ZBTB7C: variants seen among roughly 807,000 people sequenced by gnomAD.
ZBTB7C encodes zinc finger and BTB domain-containing protein 7C.
In ZBTB7C, 8 loss-of-function variants were observed where a neutral mutation model predicts 25.7. The ratio of observed to expected loss-of-function variants is 0.31; its 90% CI spans 0.18 to 0.56. The LOEUF is 0.56. Ranked by LOEUF, ZBTB7C falls within the 20% of genes least tolerant of loss-of-function variation. The probability of loss-of-function intolerance (pLI) is 0.91; values close to 1 mark genes in which losing one functional copy is unlikely to be tolerated. For synonymous variants in ZBTB7C, 394 were observed against 369.0 expected (o/e 1.07, Z -0.78); for missense variants, 824 against 855.2 (o/e 0.96, Z 0.46).
At chr18:48,036,660 C>G (rs2035984558) in intron 4 of ZBTB7C, among the ~76,000 whole-genome samples, 1 of 152,086 alleles carries the variant, frequency 6.6e-6, no homozygotes, top group African/African-American at 2.4e-5. Flanking sequence ...GCTGCGGGGA[C>G]AAGAGTGACA....
rs1391233443 is a variant in ZBTB7C at position 48,233,359 on chromosome 18, A to C, written c.-78-47364T>G. ...AACTGTAAGAAATAAATTTTTCTTT[A>C]TAATGTATCCAGTCTCTGGTATTCT... On this transcript the variant is annotated intron_variant, in intron 2 of 4. Coordinates refer to ENST00000590800, the MANE Select transcript of ZBTB7C (RefSeq NM_001318841.2). 2.3e-4 allele frequency among the ~76,000 whole-genome samples: 35 copies of C among 152,210 alleles called. 1 individual carries two copies.
Position 48,027,243 on chromosome 18 carries a change from AG to A in ZBTB7C, c.*2016del, listed in dbSNP as rs1393942092. On this transcript the variant is annotated 3_prime_UTR_variant, in exon 5 of 5. Transcript: ENST00000590800. ...AATGTACAATTCCAAACTGCAGCCAAGAAAAAACAGAAAGAACTAACCAGTC... is the reference window on the plus strand; with the variant it reads ...AATGTACAATTCCAAACTGCAGCCAAAAAAAACAGAAAGAACTAACCAGTC... 6.6e-6 allele frequency: 1 copy of A among 152,212 alleles called. No homozygotes were observed. The highest frequency in any genetic ancestry group is 1.5e-5 in the Non-Finnish European group (1 of 68,036). The allele number at this position is 152,212 out of a possible 1,614,324, so 9.4% of individuals were successfully genotyped here.
At chr18:48,309,947 T>C (rs1004643365) in intron 2 of ZBTB7C, among the ~76,000 whole-genome samples, 6 of 152,150 alleles carry the variant, frequency 3.9e-5, no homozygotes, top group Non-Finnish European at 8.8e-5. Flanking sequence ...AATTGGTTCC[T>C]GGCCAGGTGC....
In ZBTB7C at chr18:48,131,159, G is replaced by A. The variant is rs148481428; in HGVS notation, c.-17+54775C>T. On this transcript the variant is annotated intron_variant, in intron 3 of 4. Transcript: ENST00000590800. ...CCTTAAGTGATCCGCCCGCCTCCGC[G>A]TCCCAAAGTGCTGGGATTACAGGCG... 8.1e-4 allele frequency among the ~76,000 whole-genome samples: 124 copies of A among 152,272 alleles called. No individual in the cohort carries two copies. The East Asian group carries it at 0.011, about 14-fold the overall frequency.
intron 1 of ZBTB7C, among the ~76,000 whole-genome samples, chr18:48,344,829 G>T (rs1018981533): frequency 6.6e-6 from 1 of 152,236 alleles, no homozygotes; most frequent in Non-Finnish European, 1.5e-5. Flanking sequence ...GACCATGAAG[G>T]TTGTGCTGTG....
rs149498536 is a variant in ZBTB7C at position 48,270,868 on chromosome 18, T to C, written c.-79+67306A>G. Among the ~76,000 whole-genome samples the C allele has an allele frequency of 4.8e-3, 728 of 151,392 alleles. 4 individuals are homozygous for C. The highest frequency in any genetic ancestry group is 0.017 in the African/African-American group (689 of 41,220). On this transcript the variant is annotated intron_variant, in intron 2 of 4. Coordinates refer to ENST00000590800, the MANE Select transcript of ZBTB7C (RefSeq NM_001318841.2). ...TATAGAACACAAATCTGTAGCAAGA[T>C]TGAACAAAAGGAAAAGTAATATGGG...
chr18:48,092,115 C>A (rs1229731465), intron 3 of ZBTB7C, among the ~76,000 whole-genome samples: 1 of 152,240 alleles, frequency 6.6e-6, no homozygotes, highest in Non-Finnish European at 1.5e-5. Context: ...AGCCCAAGTG[C>A]TTGTTTCTCC....
At chr18:48,134,745 T>C (rs1023276041) in intron 3 of ZBTB7C, among the ~76,000 whole-genome samples, 2 of 152,244 alleles carry the variant, frequency 1.3e-5, no homozygotes, top group Non-Finnish European at 2.9e-5. Flanking sequence ...CAGAGAGAGA[T>C]GCCAGTACTC....
intron 3 of ZBTB7C, among the ~76,000 whole-genome samples, chr18:48,106,114 C>T (rs930573445): frequency 6.6e-6 from 1 of 152,230 alleles, no homozygotes. Context: ...AAGCTGCCTG[C>T]TCCCCAAACT....
chr18:48,387,584 CTT>C (rs1238949957), intron 1 of ZBTB7C, among the ~76,000 whole-genome samples: 3 of 152,188 alleles, frequency 2.0e-5, no homozygotes, highest in African/African-American at 7.2e-5. Flanking sequence ...CTTCATGTCT[CTT>C]TGCCTCTATC....
chr18:48,403,267 A>C (rs1489858363), intron 1 of ZBTB7C, among the ~76,000 whole-genome samples: 1 of 152,234 alleles, frequency 6.6e-6, no homozygotes, highest in Non-Finnish European at 1.5e-5. Flanking sequence ...CAGAGCTCCC[A>C]GACTCCCAAC....
Position 48,330,830 on chromosome 18 carries a change from AG to A in ZBTB7C, c.-79+7343del, listed in dbSNP as rs1335750951. On this transcript the variant is annotated intron_variant, in intron 2 of 4. Transcript: ENST00000590800. ...GGGAGCATCTACCCCAGCTCCGGACAGGTAGGACTTGGGCCCCCAAAGTCAG... is the reference window on the plus strand; with the variant it reads ...GGGAGCATCTACCCCAGCTCCGGACAGTAGGACTTGGGCCCCCAAAGTCAG... Among the ~76,000 whole-genome samples the A allele has an allele frequency of 3.3e-5, 5 of 152,136 alleles. No individual in the cohort carries two copies. The East Asian group carries it at 9.6e-4, about 29-fold the overall frequency.
At chr18:48,357,459 C>T (rs913744321) in intron 1 of ZBTB7C, among the ~76,000 whole-genome samples, 1 of 152,216 alleles carries the variant, frequency 6.6e-6, no homozygotes, top group Non-Finnish European at 1.5e-5. Context: ...GAAACAGAGA[C>T]AAAGAAGAGC....
At chr18:48,068,872 T>C (rs563750755) in intron 3 of ZBTB7C, among the ~76,000 whole-genome samples, 1 of 152,330 alleles carries the variant, frequency 6.6e-6, no homozygotes, top group African/African-American at 2.4e-5. Context: ...GGTCAGAATC[T>C]GGGGGCCAGA....
intron 3 of ZBTB7C, among the ~76,000 whole-genome samples, chr18:48,078,202 T>C (rs374667188): frequency 6.6e-6 from 1 of 152,144 alleles, no homozygotes; most frequent in Non-Finnish European, 1.5e-5. Flanking sequence ...ACACAACACA[T>C]AATTCTCAAG....
intron 2 of ZBTB7C, among the ~76,000 whole-genome samples, chr18:48,264,372 T>C (rs2044252705): frequency 6.7e-6 from 1 of 149,732 alleles, no homozygotes; most frequent in East Asian, 1.9e-4. Flanking sequence ...ACTCGCCGCA[T>C]GTCACTCCCC....
intron 2 of ZBTB7C, among the ~76,000 whole-genome samples, chr18:48,301,747 G>C (rs1250069180): frequency 1.3e-5 from 2 of 152,180 alleles, no homozygotes; most frequent in Non-Finnish European, 2.9e-5. Context: ...ATATCAGATT[G>C]TGTTGACTTT....
intron 3 of ZBTB7C, among the ~76,000 whole-genome samples, chr18:48,058,990 A>G (rs1312354426): frequency 3.9e-5 from 6 of 152,194 alleles, no homozygotes; most frequent in Non-Finnish European, 1.5e-5. Context: ...GACTGAAACC[A>G]CATAGGAATC....
intron 4 of ZBTB7C, among the ~76,000 whole-genome samples, chr18:48,034,749 C>A (rs1175698137): frequency 6.6e-6 from 1 of 152,210 alleles, no homozygotes; most frequent in Non-Finnish European, 1.5e-5. Flanking sequence ...TCTGCCATCT[C>A]GTTCCATCTC....
Sources: gnomAD v4.1 joint callset for allele counts (sites outside exome capture counted in the v4.1 genomes callset) on GRCh38, gnomAD v4.1.1 for gene constraint, MANE v1.5 for transcripts, NCBI Gene and HGNC (gene_info 2026-07-23, HGNC 2026-07-21) for gene names.